HS3ST4: variants seen among roughly 807,000 people sequenced by gnomAD.
HS3ST4 encodes heparan sulfate-glucosamine 3-sulfotransferase 4, also known as heparan sulfate glucosamine 3-O-sulfotransferase 4.
HS3ST4 carries 17 observed loss-of-function variants against 29.2 expected under a neutral mutation model. The ratio of observed to expected loss-of-function variants is 0.58; its 90% CI spans 0.40 to 0.87. The LOEUF (loss-of-function observed/expected upper bound fraction) is 0.87. Among genes scored for constraint, HS3ST4 ranks in the 40% least tolerant of loss-of-function variants. The probability of loss-of-function intolerance (pLI) is 0.00; values close to 1 mark genes in which losing one functional copy is unlikely to be tolerated. For missense variants in HS3ST4, 627 were observed against 634.5 expected (o/e 0.99, Z 0.13); for synonymous variants, 314 against 285.7 (o/e 1.10, Z -1.00).
chr16:25,998,694 A>G (rs1249124755), intron 1 of HS3ST4, among the ~76,000 whole-genome samples: 1 of 151,842 alleles, frequency 6.6e-6, no homozygotes, highest in Non-Finnish European at 1.5e-5. Context: ...CCTGGGATGA[A>G]TTTTCCTCTT....
intron 1 of HS3ST4, among the ~76,000 whole-genome samples, chr16:25,867,486 A>G (rs1292851798): frequency 6.6e-6 from 1 of 152,088 alleles, no homozygotes; most frequent in African/African-American, 2.4e-5. Flanking sequence ...AGTAAGACTG[A>G]TTTCCTTTAC....
chr16:25,909,136 G>T (rs1250501242), intron 1 of HS3ST4, among the ~76,000 whole-genome samples: 2 of 152,160 alleles, frequency 1.3e-5, no homozygotes, highest in Non-Finnish European at 2.9e-5. Context: ...TTATTAAAAT[G>T]CATGTTCTGA....
chr16:25,939,030 T>C (rs1381492706), intron 1 of HS3ST4, among the ~76,000 whole-genome samples: 2 of 152,192 alleles, frequency 1.3e-5, no homozygotes, highest in African/African-American at 4.8e-5. Flanking sequence ...CAGTGATGGC[T>C]GAATGCATAA....
chr16:26,090,062 T>C (rs1470009776), intron 1 of HS3ST4, among the ~76,000 whole-genome samples: 4 of 152,226 alleles, frequency 2.6e-5, no homozygotes, highest in Non-Finnish European at 5.9e-5. Context: ...AAATAATCTA[T>C]GTAAAGTATC....
rs555472413 is a variant in HS3ST4 at position 25,908,988 on chromosome 16, A to C, written c.734+215837A>C. ...AGGGCTGTGCTGGGCACACAGCCTC[A>C]CATTTCACATGAGTCCTTGCTCCAT... is the stretch of plus-strand genomic sequence containing the variant. On this transcript the variant is annotated intron_variant, in intron 1 of 1. Coordinates refer to ENST00000331351, the MANE Select transcript of HS3ST4 (RefSeq NM_006040.3). Among the ~76,000 whole-genome samples the C allele has an allele frequency of 1.0e-3, 157 of 152,270 alleles. 1 individual carries two copies. The highest frequency in any genetic ancestry group is 3.6e-3 in the African/African-American group (149 of 41,558).
intron 1 of HS3ST4, among the ~76,000 whole-genome samples, chr16:26,089,385 AT>A (rs542834132): frequency 2.0e-5 from 3 of 152,092 alleles, no homozygotes; most frequent in African/African-American, 7.2e-5. Flanking sequence ...ATCCAGCTTG[AT>A]TTTTGCAGTC....
chr16:26,131,270 G>T (rs1048062656), intron 1 of HS3ST4, among the ~76,000 whole-genome samples: 13 of 152,146 alleles, frequency 8.5e-5, no homozygotes, highest in Admixed American at 7.2e-4. Flanking sequence ...TCTCAGCAAA[G>T]TTACCAGAAA....
chr16:25,917,357 C>T (rs111381519), intron 1 of HS3ST4, among the ~76,000 whole-genome samples: 2,852 of 152,176 alleles, frequency 0.019, 62 homozygotes, highest in African/African-American at 0.055. Flanking sequence ...GGATTACAGG[C>T]GCATGCCACC....
chr16:25,972,261 A>G (rs563159080), intron 1 of HS3ST4, among the ~76,000 whole-genome samples: 1 of 152,324 alleles, frequency 6.6e-6, no homozygotes, highest in South Asian at 2.1e-4. Flanking sequence ...AGGTGGTTGT[A>G]TTACACAGCT....
At chr16:25,736,385 T>C (rs567714514) in intron 1 of HS3ST4, among the ~76,000 whole-genome samples, 1 of 152,330 alleles carries the variant, frequency 6.6e-6, no homozygotes, top group Admixed American at 6.5e-5. Flanking sequence ...GTTTATAATA[T>C]GGATTTTGAG....
At chr16:25,693,462 G>T (rs1018320457) in intron 1 of HS3ST4, among the ~76,000 whole-genome samples, 7 of 152,216 alleles carry the variant, frequency 4.6e-5, no homozygotes, top group Admixed American at 6.5e-5. Context: ...CCTCCTGCCT[G>T]CTGGGTGTTT....
intron 1 of HS3ST4, among the ~76,000 whole-genome samples, chr16:25,828,328 C>T (rs1201199166): frequency 1.2e-4 from 16 of 134,354 alleles, no homozygotes; most frequent in African/African-American, 3.1e-4. Flanking sequence ...CTCTCTCTCT[C>T]TCTCTCTCTC....
chr16:25,805,017 G>A (rs190589437), intron 1 of HS3ST4, among the ~76,000 whole-genome samples: 50 of 152,216 alleles, frequency 3.3e-4, no homozygotes, highest in African/African-American at 1.2e-3. Context: ...ACAGGGGCTT[G>A]GGACCAAAGC....
intron 1 of HS3ST4, among the ~76,000 whole-genome samples, chr16:25,984,144 G>A (rs1276677813): frequency 1.3e-5 from 2 of 152,062 alleles, no homozygotes; most frequent in African/African-American, 4.8e-5. Context: ...TAGTCATCCT[G>A]CAGTGCTATA....
At chr16:25,903,642 T>G (rs1314836169) in intron 1 of HS3ST4, among the ~76,000 whole-genome samples, 1 of 152,076 alleles carries the variant, frequency 6.6e-6, no homozygotes, top group Non-Finnish European at 1.5e-5. Context: ...CTTTCTTCCT[T>G]ATGCCTGTCA....
intron 1 of HS3ST4, among the ~76,000 whole-genome samples, chr16:26,114,008 A>G (rs1204055658): frequency 6.6e-6 from 1 of 152,212 alleles, no homozygotes; most frequent in African/African-American, 2.4e-5. Flanking sequence ...TGGGTTGGGC[A>G]TGCTGTGAAC....
intron 1 of HS3ST4, among the ~76,000 whole-genome samples, chr16:26,027,523 C>T (rs988677382): frequency 4.6e-5 from 7 of 152,132 alleles, no homozygotes; most frequent in Non-Finnish European, 7.3e-5. Context: ...GATTTATGCC[C>T]CTATCTCATT....
chr16:26,100,352 T>A (rs1223662496), intron 1 of HS3ST4, among the ~76,000 whole-genome samples: 1 of 151,900 alleles, frequency 6.6e-6, no homozygotes, highest in African/African-American at 2.4e-5. Flanking sequence ...AGAAAGAAAA[T>A]TTGTGAATAC....
At chr16:26,100,484 C>T (rs1232370453) in intron 1 of HS3ST4, among the ~76,000 whole-genome samples, 1 of 152,124 alleles carries the variant, frequency 6.6e-6, no homozygotes, top group Non-Finnish European at 1.5e-5. Context: ...TGCTCATGAG[C>T]AGGTATCCTC....
Sources: gnomAD v4.1 joint callset for allele counts (sites outside exome capture counted in the v4.1 genomes callset) on GRCh38, gnomAD v4.1.1 for gene constraint, MANE v1.5 for transcripts, NCBI Gene and HGNC (gene_info 2026-07-23, HGNC 2026-07-21) for gene names.